The following SHC3 variants were observed in gnomAD, a reference collection of about 807,000 sequenced individuals.
The protein encoded by SHC3 is SHC adaptor protein 3.
Under a neutral mutation model 60.4 loss-of-function variants are expected in SHC3, and 15 were observed. The ratio of observed to expected loss-of-function variants is 0.25; its 90% CI spans 0.17 to 0.38. The LOEUF is 0.38. Among genes scored for constraint, SHC3 ranks in the 10% least tolerant of loss-of-function variants. The probability of loss-of-function intolerance (pLI) is 1.00; values close to 1 mark genes in which losing one functional copy is unlikely to be tolerated. For synonymous variants in SHC3, 294 were observed against 325.9 expected, an observed-to-expected ratio of 0.90 and a Z score of 1.05; for missense variants, 677 against 786.1, an observed-to-expected ratio of 0.86 and a Z score of 1.66.
chr9:89,043,641 G>T (rs974581412), intron 9 of SHC3, among the ~76,000 whole-genome samples: 3 of 151,564 alleles, frequency 2.0e-5, no homozygotes, highest in African/African-American at 4.9e-5. Context: ...TGTGAGAAAA[G>T]ATATTTATTT....
intron 1 of SHC3, among the ~76,000 whole-genome samples, chr9:89,172,537 A>G (rs1826884174): frequency 6.6e-6 from 1 of 151,720 alleles, no homozygotes; most frequent in Non-Finnish European, 1.5e-5. Context: ...AGACACACAC[A>G]CACACGAAGA....
chr9:89,094,945 A>C (rs547868106), intron 2 of SHC3, among the ~76,000 whole-genome samples: 1 of 150,722 alleles, frequency 6.6e-6, no homozygotes, highest in African/African-American at 2.4e-5. Context: ...AACAAAAAAA[A>C]CCAACCAAAC....
rs73654724 is a variant in SHC3 at position 89,086,374 on chromosome 9, C to T, written c.546-8471G>A. On this transcript the variant is annotated intron_variant, in intron 2 of 11. Transcript: ENST00000375835. ...CCCCAGCTTGGGTTCAATTAATTTG[C>T]GAGAACGGCTCACAGAACTCAGGGA... Among the ~76,000 whole-genome samples, 1,248 of 152,274 alleles carry T rather than the reference C, an allele frequency of 8.2e-3. 16 individuals carry two copies. The highest frequency in any genetic ancestry group is 0.028 in the African/African-American group (1,145 of 41,554).
intron 1 of SHC3, among the ~76,000 whole-genome samples, chr9:89,119,920 G>A (rs1050171952): frequency 3.3e-5 from 5 of 152,164 alleles, no homozygotes; most frequent in Non-Finnish European, 7.3e-5. Flanking sequence ...GAGCACACAT[G>A]TCCATGGGAA....
chr9:89,110,492 G>A, intron 2 of SHC3: 1 of 980,628 alleles, frequency 1.0e-6, no homozygotes, highest in Non-Finnish European at 1.2e-6. Flanking sequence ...TTACCATGGA[G>A]ACCTTAAAAG....
rs747499721 is a variant in SHC3 at position 89,075,236 on chromosome 9, A to G, written c.610-8T>C. 1.2e-6 allele frequency: 2 copies of G among 1,613,184 alleles called. No individual in the cohort carries two copies. Among genetic ancestry groups the G allele is most frequent in the Middle Eastern group, 1.7e-4 (1 of 6,056 alleles). ...CAGCATTTTGCTTGGAGGCTGTGAA[A>G]TTAAAGAGCATTATTTTAGCTGTTT... is the stretch of plus-strand genomic sequence containing the variant. On this transcript the variant is annotated splice_region_variant and splice_polypyrimidine_tract_variant and intron_variant, in intron 3 of 11. Transcript: ENST00000375835.
At chr9:89,175,221 G>T (rs1587771997) in intron 1 of SHC3, among the ~76,000 whole-genome samples, 1 of 152,318 alleles carries the variant, frequency 6.6e-6, no homozygotes, top group East Asian at 1.9e-4. Context: ...GTAAAAAGGT[G>T]CTGCCAATGA....
chr9:89,158,823 G>C (rs1587761303), intron 1 of SHC3, among the ~76,000 whole-genome samples: 1 of 152,180 alleles, frequency 6.6e-6, no homozygotes, highest in Non-Finnish European at 1.5e-5. Flanking sequence ...TGGCTACATA[G>C]TACTATTCCA....
intron 11 of SHC3, among the ~76,000 whole-genome samples, chr9:89,015,543 C>T (rs1587673993): frequency 6.6e-6 from 1 of 152,168 alleles, no homozygotes. Context: ...TACAGGCTGG[C>T]CAACATAAAC....
At position 89,013,535 on chromosome 9, in the gene SHC3, A is replaced by T; in HGVS notation, c.1697T>A (p.Leu566His). The change falls in exon 12 of 12, where the codon CTC (leucine) becomes CAC (histidine). Residue 566 changes from leucine (L) to histidine (H), a missense_variant. By Grantham distance (99) the Leu-to-His change is moderately conservative. Transcript: ENST00000375835. ...KDRVFDSISH[L>H]INHHLESSLP... is the part of the protein sequence containing the mutation. ...GCTGCTTTCTAGGTGGTGGTTGATG[A>T]GGTGGCTGATACTGTCAAAGACTCT... 1 of 1,614,038 alleles carries T rather than the reference A, an allele frequency of 6.2e-7. No homozygotes were observed. The highest frequency in any genetic ancestry group is 8.5e-7 in the Non-Finnish European group (1 of 1,179,962).
At chr9:89,045,442 G>A (rs1045114723) in intron 9 of SHC3, among the ~76,000 whole-genome samples, 1 of 151,898 alleles carries the variant, frequency 6.6e-6, no homozygotes, top group East Asian at 1.9e-4. Context: ...CACCACACCC[G>A]GCAAATTTTT....
intron 11 of SHC3, among the ~76,000 whole-genome samples, chr9:89,027,231 C>A (rs928301268): frequency 6.6e-6 from 1 of 152,006 alleles, no homozygotes; most frequent in Admixed American, 6.5e-5. Flanking sequence ...ATTAAGTGAG[C>A]ATGATGCTAA....
chr9:89,078,503 G>A (rs868469631), intron 2 of SHC3, among the ~76,000 whole-genome samples: 22 of 152,250 alleles, frequency 1.4e-4, no homozygotes, highest in African/African-American at 3.1e-4. Flanking sequence ...CCATGGAACC[G>A]CACTGGTGAG....
chr9:89,072,350 C>T (rs1325464361), intron 4 of SHC3, among the ~76,000 whole-genome samples: 1 of 152,136 alleles, frequency 6.6e-6, no homozygotes, highest in Non-Finnish European at 1.5e-5. Context: ...CACACCAAAA[C>T]ATCTCAACTT....
chr9:89,082,715 G>T (rs1825464962), intron 2 of SHC3, among the ~76,000 whole-genome samples: 3 of 152,278 alleles, frequency 2.0e-5, no homozygotes, highest in South Asian at 4.2e-4. Context: ...CCCTTGAACT[G>T]TTGGAGTCCT....
intron 1 of SHC3, among the ~76,000 whole-genome samples, chr9:89,175,791 G>A (rs1479522669): frequency 6.6e-6 from 1 of 152,114 alleles, no homozygotes; most frequent in Non-Finnish European, 1.5e-5. Context: ...AAGGATACCG[G>A]TAGAACTATT....
In SHC3 at chr9:89,178,078, C is replaced by T; in HGVS notation, c.383G>A (p.Arg128Gln). 5 of 1,197,236 alleles carry T rather than the reference C, an allele frequency of 4.2e-6. No homozygotes were observed. The highest frequency in any genetic ancestry group is 5.2e-6 in the Non-Finnish European group (5 of 966,028). The allele number at this position is 1,197,236 out of a possible 1,614,324, so 74.2% of individuals were successfully genotyped here. Residue 128 changes from arginine (R) to glutamine (Q), a missense_variant, in exon 1 of 12, where the codon CGG (arginine) becomes CAG (glutamine). Arg to Gln is a conservative substitution (Grantham distance 43). Coordinates refer to ENST00000375835, the MANE Select transcript of SHC3 (RefSeq NM_016848.6). The surrounding 1 kb of genome is among the most constrained non-coding windows in gnomAD (Gnocchi z 6.9). ...APAMSAARKG[R>Q]PGDEPLPRPP... Reference sequence around the variant, plus strand: ...CCTGGGCAGCGGCTCGTCGCCGGGCCGGCCCTTCCTGGCGGCGCTCATGGC... The same window carrying T: ...CCTGGGCAGCGGCTCGTCGCCGGGCTGGCCCTTCCTGGCGGCGCTCATGGC...
At chr9:89,128,759 A>C (rs1373839808) in intron 1 of SHC3, among the ~76,000 whole-genome samples, 2 of 152,204 alleles carry the variant, frequency 1.3e-5, no homozygotes. Context: ...CGTCACCATC[A>C]TCAAAGGCCA....
chr9:89,174,293 TAA>T (rs1357411281), intron 1 of SHC3, among the ~76,000 whole-genome samples: 1 of 152,232 alleles, frequency 6.6e-6, no homozygotes, highest in East Asian at 1.9e-4. Context: ...AAATAATTTT[TAA>T]AGAGTCCTTG....
Sources: gnomAD v4.1 joint callset for allele counts (sites outside exome capture counted in the v4.1 genomes callset) on GRCh38, gnomAD v4.1.1 for gene constraint, Gnocchi (gnomAD v3.1) non-coding constraint, MANE v1.5 for transcripts, NCBI Gene and HGNC (gene_info 2026-07-23, HGNC 2026-07-21) for gene names.